CREB3L2: variants seen among roughly 807,000 people sequenced by gnomAD.
CREB3L2 encodes cyclic AMP-responsive element-binding protein 3-like protein 2.
In CREB3L2, 23 loss-of-function variants were observed where a neutral mutation model predicts 57.2. The ratio of observed to expected loss-of-function variants is 0.40; its 90% confidence interval spans 0.29 to 0.57. CREB3L2 has a LOEUF of 0.57. CREB3L2 is among the 20% of genes least tolerant of loss of function. The probability of loss-of-function intolerance (pLI) is 0.42; values close to 1 mark genes in which losing one functional copy is unlikely to be tolerated. For missense variants in CREB3L2, 628 were observed against 634.7 expected (o/e 0.99, Z 0.11); for synonymous variants, 268 against 265.1 (o/e 1.01, Z -0.11).
intron 1 of CREB3L2, among the ~76,000 whole-genome samples, chr7:137,938,850 G>A (rs1043678815): frequency 6.6e-6 from 1 of 151,804 alleles, no homozygotes; most frequent in Non-Finnish European, 1.5e-5. Flanking sequence ...AATTTGATGT[G>A]GAAAAAAAAT....
intron 7 of CREB3L2, among the ~76,000 whole-genome samples, 161 bp from the exon 8 acceptor site, chr7:137,901,583 G>GA (rs973300802): frequency 2.1e-3 from 286 of 134,638 alleles, no homozygotes; most frequent in African/African-American, 2.3e-3. Context: ...AGAGACTTAA[G>GA]AAAAAAAAAA....
intron 1 of CREB3L2, among the ~76,000 whole-genome samples, chr7:137,998,416 T>A (rs1802025426): frequency 6.6e-6 from 1 of 152,266 alleles, no homozygotes; most frequent in African/African-American, 2.4e-5. Flanking sequence ...CAGCCTCATT[T>A]AAACATTAGC....
intron 1 of CREB3L2, among the ~76,000 whole-genome samples, chr7:137,985,599 A>T (rs572310842): frequency 6.6e-6 from 1 of 152,180 alleles, no homozygotes; most frequent in Non-Finnish European, 1.5e-5. Flanking sequence ...GACTATTTTC[A>T]TTAGGAAAAA....
rs1212292044 is a variant in CREB3L2 at position 137,960,602 on chromosome 7, T to C, written c.103-32236A>G. Among the ~76,000 whole-genome samples, 3 of 152,068 alleles carry C rather than the reference T, an allele frequency of 2.0e-5. No homozygotes were observed. The East Asian group carries it at 5.8e-4, about 29-fold the overall frequency. Reference sequence around the variant, plus strand: ...TGGAAGTATCTAATAAAAGACAACATTGGATCAATTACCTCTGGCTCTAAA... The same window carrying C: ...TGGAAGTATCTAATAAAAGACAACACTGGATCAATTACCTCTGGCTCTAAA... On this transcript the variant is annotated intron_variant, in intron 1 of 11. Coordinates refer to ENST00000330387, the MANE Select transcript of CREB3L2 (RefSeq NM_194071.4).
At chr7:137,927,218 TAAAG>T (rs1209493248) in intron 2 of CREB3L2, among the ~76,000 whole-genome samples, 16 of 97,180 alleles carry the variant, frequency 1.6e-4, no homozygotes, top group East Asian at 3.0e-4. Flanking sequence ...GGAAAGAAAA[TAAAG>T]AAAGAAGGAA....
At chr7:137,971,605 CT>C (rs1801508834) in intron 1 of CREB3L2, among the ~76,000 whole-genome samples, 1 of 151,768 alleles carries the variant, frequency 6.6e-6, no homozygotes, top group South Asian at 2.1e-4. Context: ...CCCGAATCCC[CT>C]GGATCTCTTT....
At chr7:137,886,360 G>C (rs865925986) in intron 8 of CREB3L2, among the ~76,000 whole-genome samples, 1 of 151,486 alleles carries the variant, frequency 6.6e-6, no homozygotes, top group Non-Finnish European at 1.5e-5. Context: ...AATGCCAACA[G>C]AGAGTAACAG....
At chr7:137,949,307 G>A (rs751340382) in intron 1 of CREB3L2, among the ~76,000 whole-genome samples, 77 of 152,294 alleles carry the variant, frequency 5.1e-4, no homozygotes, top group Middle Eastern at 3.4e-3. Context: ...TCCCACAGAC[G>A]TTTAAAAAAG....
At chr7:137,948,491 G>A (rs946267525) in intron 1 of CREB3L2, among the ~76,000 whole-genome samples, 1 of 152,174 alleles carries the variant, frequency 6.6e-6, no homozygotes, top group African/African-American at 2.4e-5. Context: ...TGGAATTTTG[G>A]TGTCTCAGTT....
intron 6 of CREB3L2, 113 bp downstream of exon 6, chr7:137,905,589 T>G: frequency 8.6e-7 from 1 of 1,160,932 alleles, no homozygotes; most frequent in South Asian, 1.2e-5. Context: ...GGGCTGGGCC[T>G]TGGTCTCCAC....
chr7:137,928,949 C>T (rs903977192), intron 1 of CREB3L2, among the ~76,000 whole-genome samples: 1 of 152,196 alleles, frequency 6.6e-6, no homozygotes, highest in African/African-American at 2.4e-5. Flanking sequence ...GGGGTCCTTG[C>T]TATCATGACC....
intron 4 of CREB3L2, among the ~76,000 whole-genome samples, chr7:137,909,243 A>G (rs1563248187): frequency 6.6e-6 from 1 of 152,210 alleles, no homozygotes; most frequent in Non-Finnish European, 1.5e-5. Flanking sequence ...CACAGGAAAA[A>G]TAAGTGAGAG....
chr7:137,878,643 T>C lies in CREB3L2; in HGVS notation c.*1833A>G, dbSNP rs1429181914. The C allele has an allele frequency of 4.3e-6, 1 of 234,024 alleles. No homozygotes were observed. 14.5% of individuals were successfully genotyped at this position (234,024 alleles called of 1,614,324 possible). A position where few individuals can be genotyped will look rare whatever the true frequency, so the allele number is the denominator to read the frequency against. ...CTCCAGACAACAGGGCTGCCAGGAC[T>C]ACGGGGGCCCGATCCAGCTTCCACT... On this transcript the variant is annotated 3_prime_UTR_variant, in exon 12 of 12. Coordinates refer to ENST00000330387, the MANE Select transcript of CREB3L2 (RefSeq NM_194071.4).
chr7:137,955,396 C>A, intron 1 of CREB3L2: 1 of 939,044 alleles, frequency 1.1e-6, no homozygotes, highest in Non-Finnish European at 1.5e-6. Context: ...TTCTTCAGCA[C>A]GGCCACCTCA....
intron 2 of CREB3L2, among the ~76,000 whole-genome samples, chr7:137,918,018 G>C (rs1006029784): frequency 2.0e-5 from 3 of 152,124 alleles, no homozygotes; most frequent in Non-Finnish European, 4.4e-5. Context: ...CCCAGAGATG[G>C]AGCAACTGGA....
chr7:137,962,539 C>A (rs934439420), intron 1 of CREB3L2, among the ~76,000 whole-genome samples: 1 of 152,020 alleles, frequency 6.6e-6, no homozygotes, highest in Admixed American at 6.6e-5. Flanking sequence ...ACCACTTTTG[C>A]CAGCCATCTG....
rs750874099 is a variant in CREB3L2 at position 137,875,557 on chromosome 7, G to C, written c.*4919C>G. The C allele has an allele frequency of 8.9e-6, 2 of 223,696 alleles. No individual in the cohort carries two copies. The highest frequency in any genetic ancestry group is 1.8e-5 in the Non-Finnish European group (2 of 112,010). 13.9% of individuals were successfully genotyped at this position (223,696 alleles called of 1,614,324 possible). Reference sequence around the variant, plus strand: ...CAAAAAGATAGGAGATGGACACCTGGGGGACTGCTCCAGCACGAAGGGAAG... The same window carrying C: ...CAAAAAGATAGGAGATGGACACCTGCGGGACTGCTCCAGCACGAAGGGAAG... On this transcript the variant is annotated 3_prime_UTR_variant, in exon 12 of 12. Coordinates refer to ENST00000330387, the MANE Select transcript of CREB3L2 (RefSeq NM_194071.4).
At chr7:137,969,761 A>AACACACACAC (rs66931280) in intron 1 of CREB3L2, among the ~76,000 whole-genome samples, 1,765 of 103,630 alleles carry the variant, frequency 0.017, 41 homozygotes, top group African/African-American at 0.043. Context: ...AGGGTCATCA[A>AACACACACAC]ACACACACAC....
chr7:137,951,289 G>A (rs924211746), intron 1 of CREB3L2, among the ~76,000 whole-genome samples: 3 of 152,118 alleles, frequency 2.0e-5, no homozygotes, highest in Admixed American at 6.6e-5. Context: ...AAAAATCCAC[G>A]TGTTCGATAA....
Sources: allele counts gnomAD v4.1 joint callset (sites outside exome capture counted in the v4.1 genomes callset), GRCh38; gene constraint gnomAD v4.1.1; transcripts MANE v1.5; gene names NCBI Gene and HGNC (gene_info 2026-07-23, HGNC 2026-07-21).